The following ANKRD44 variants were observed in gnomAD, a reference collection of about 807,000 sequenced individuals.
The protein encoded by ANKRD44 is serine/threonine-protein phosphatase 6 regulatory ankyrin repeat subunit B.
In ANKRD44, 35 loss-of-function variants were observed where a neutral mutation model predicts 116.0. The observed-to-expected ratio is 0.30, with a 90% confidence interval of 0.23 to 0.40. The LOEUF (loss-of-function observed/expected upper bound fraction) is 0.40. ANKRD44 is among the 10% of genes least tolerant of loss of function. The pLI is 1.00. For synonymous variants in ANKRD44, 435 were observed against 461.8 expected, an observed-to-expected ratio of 0.94 and a Z score of 0.74; for missense variants, 1,014 against 1,242.6, an observed-to-expected ratio of 0.82 and a Z score of 2.77.
intron 10 of ANKRD44, among the ~76,000 whole-genome samples, chr2:197,096,348 T>C (rs1261011114): frequency 6.6e-6 from 1 of 152,198 alleles, no homozygotes; most frequent in Admixed American, 6.5e-5. Context: ...ATAATACCCC[T>C]AATTCTGCTG....
At chr2:197,128,202 C>T (rs1220902985) in intron 4 of ANKRD44, among the ~76,000 whole-genome samples, 1 of 152,176 alleles carries the variant, frequency 6.6e-6, no homozygotes, top group East Asian at 1.9e-4. Context: ...GCTTCTAGAT[C>T]TTTAAGAAGT....
chr2:197,104,263 G>A (rs771590648), intron 9 of ANKRD44, among the ~76,000 whole-genome samples: 1 of 152,106 alleles, frequency 6.6e-6, no homozygotes, highest in Admixed American at 6.5e-5. Flanking sequence ...TGGGATTACA[G>A]GTGCTTGCCA....
At chr2:197,279,402 C>T (rs2083199748) in intron 1 of ANKRD44, among the ~76,000 whole-genome samples, 1 of 152,168 alleles carries the variant, frequency 6.6e-6, no homozygotes, top group South Asian at 2.1e-4. Flanking sequence ...CACCACTTGG[C>T]ACACATCACA....
chr2:197,028,060 T>C (rs2076631265), intron 16 of ANKRD44, among the ~76,000 whole-genome samples: 1 of 152,028 alleles, frequency 6.6e-6, no homozygotes, highest in African/African-American at 2.4e-5. Context: ...TTTAGCAAAA[T>C]GGAGGAAGCT....
intron 8 of ANKRD44, among the ~76,000 whole-genome samples, chr2:197,111,943 T>C (rs369791822): frequency 6.6e-6 from 1 of 152,300 alleles, no homozygotes; most frequent in South Asian, 2.1e-4. Context: ...TTTGTTACTA[T>C]TCATGATCGA....
chr2:197,292,434 T>C (rs1054735993), intron 1 of ANKRD44, among the ~76,000 whole-genome samples: 4 of 152,192 alleles, frequency 2.6e-5, no homozygotes, highest in African/African-American at 4.8e-5. Context: ...AGTGATGATG[T>C]TGCTCATGTA....
At chr2:197,159,898 A>G (rs534907670) in intron 2 of ANKRD44, among the ~76,000 whole-genome samples, 13 of 152,302 alleles carry the variant, frequency 8.5e-5, no homozygotes, top group African/African-American at 2.6e-4. Flanking sequence ...TCTCAACACC[A>G]CTAGGTAAGG....
intron 16 of ANKRD44, among the ~76,000 whole-genome samples, chr2:197,046,139 C>T (rs191111155): frequency 1.4e-3 from 212 of 152,280 alleles, no homozygotes; most frequent in African/African-American, 3.6e-3. Flanking sequence ...TAAATCAGTG[C>T]AATAGTGTGC....
chr2:197,218,975 A>G (rs1031390859), intron 1 of ANKRD44, among the ~76,000 whole-genome samples: 1 of 149,732 alleles, frequency 6.7e-6, no homozygotes, highest in Non-Finnish European at 1.5e-5. Flanking sequence ...GGCCAGGCTG[A>G]TCTTGAATTC....
At chr2:197,070,842 T>C (rs1380830827) in intron 16 of ANKRD44, among the ~76,000 whole-genome samples, 1 of 152,186 alleles carries the variant, frequency 6.6e-6, no homozygotes, top group Non-Finnish European at 1.5e-5. Flanking sequence ...TTGGTAGAAT[T>C]CTCCAGTGAA....
At chr2:197,101,093 C>T (rs1223521825) in intron 9 of ANKRD44, among the ~76,000 whole-genome samples, 1 of 152,136 alleles carries the variant, frequency 6.6e-6, no homozygotes, top group Non-Finnish European at 1.5e-5. Flanking sequence ...AGTGCATATT[C>T]CAATTTCTCA....
At chr2:197,113,305 G>A (rs573158492) in intron 8 of ANKRD44, among the ~76,000 whole-genome samples, 82 of 152,254 alleles carry the variant, frequency 5.4e-4, no homozygotes, top group Middle Eastern at 3.4e-3. Context: ...TTTGGAATAA[G>A]GATTTAAAAC....
At position 197,099,940 on chromosome 2, in the gene ANKRD44, A is replaced by T; in HGVS notation, c.986-10T>A. The T allele has an allele frequency of 6.2e-7, 1 of 1,612,654 alleles. No homozygotes were observed. The highest frequency in any genetic ancestry group is 8.5e-7 in the Non-Finnish European group (1 of 1,178,710). On this transcript the variant is annotated splice_polypyrimidine_tract_variant and intron_variant, in intron 9 of 27. Transcript: ENST00000282272. ...CAGTCAATTTCACCTCCTGAAAGAG[A>T]TATTTTAATACAGGATAACGCAAGG...
At chr2:197,098,917 AC>A (rs1320542006) in intron 10 of ANKRD44, among the ~76,000 whole-genome samples, 1 of 151,688 alleles carries the variant, frequency 6.6e-6, no homozygotes, top group African/African-American at 2.4e-5. Flanking sequence ...GCTCCCAACC[AC>A]CCTGGGTCCT....
At chr2:197,134,664 A>C (rs943910073) in intron 4 of ANKRD44, 1 of 152,108 alleles carries the variant, frequency 6.6e-6, no homozygotes, top group East Asian at 1.9e-4. Flanking sequence ...TAGACTACAC[A>C]CTTCCTAAGG....
At chr2:197,264,895 C>A (rs962697) in intron 1 of ANKRD44, among the ~76,000 whole-genome samples, 26,407 of 152,108 alleles carry the variant, frequency 0.17, 2,417 homozygotes, top group Middle Eastern at 0.28. Flanking sequence ...TTTATAGGCT[C>A]CTTAAAAATT....
chr2:197,121,896 T>C (rs576440597), intron 7 of ANKRD44, among the ~76,000 whole-genome samples: 6 of 151,952 alleles, frequency 3.9e-5, no homozygotes, highest in Non-Finnish European at 7.4e-5. Context: ...CACTCTAGGA[T>C]TGGGGCACAG....
intron 1 of ANKRD44, among the ~76,000 whole-genome samples, chr2:197,193,605 C>T (rs931526578): frequency 1.6e-4 from 24 of 152,094 alleles, no homozygotes; most frequent in Admixed American, 2.6e-4. Context: ...AACGGCCAGG[C>T]GCGGTGGCTC....
intron 1 of ANKRD44, among the ~76,000 whole-genome samples, chr2:197,240,853 A>G (rs2082075997): frequency 6.6e-6 from 1 of 150,452 alleles, no homozygotes; most frequent in South Asian, 2.1e-4. Context: ...CTTAAAAGTA[A>G]TTGTCTGCTC....
Sources: gnomAD v4.1 joint callset for allele counts (sites outside exome capture counted in the v4.1 genomes callset) on GRCh38, gnomAD v4.1.1 for gene constraint, MANE v1.5 for transcripts, NCBI Gene and HGNC (gene_info 2026-07-23, HGNC 2026-07-21) for gene names.